The following ADGRB3 variants were observed in gnomAD, a reference collection of about 807,000 sequenced individuals.
The protein encoded by ADGRB3 is adhesion G protein-coupled receptor B3, also known as brain-specific angiogenesis inhibitor 3.
Under a neutral mutation model 193.4 loss-of-function variants are expected in ADGRB3, and 37 were observed. The observed-to-expected ratio is 0.19, with a 90% CI of 0.15 to 0.25. ADGRB3 has a LOEUF of 0.25. Among genes scored for constraint, ADGRB3 ranks in the 10% least tolerant of loss-of-function variants. ADGRB3 has a pLI of 1.00. For synonymous variants in ADGRB3, 690 were observed against 644.2 expected (o/e 1.07, Z -1.08); for missense variants, 1,637 against 1,852.9 (o/e 0.88, Z 2.14).
intron 17 of ADGRB3, among the ~76,000 whole-genome samples, chr6:69,134,743 A>T (rs1774104646): frequency 6.6e-6 from 1 of 151,952 alleles, no homozygotes; most frequent in Non-Finnish European, 1.5e-5. Flanking sequence ...ATACATGTAT[A>T]TATGTATGGT....
intron 17 of ADGRB3, among the ~76,000 whole-genome samples, chr6:69,195,400 C>T (rs1177932318): frequency 5.9e-5 from 9 of 151,580 alleles, no homozygotes; most frequent in Admixed American, 2.6e-4. Flanking sequence ...AATAAATTCA[C>T]TGTAGTCCCA....
intron 3 of ADGRB3, among the ~76,000 whole-genome samples, chr6:68,904,928 ATCTTTCT>A (rs1766500503): frequency 6.6e-6 from 1 of 152,176 alleles, no homozygotes; most frequent in South Asian, 2.1e-4. Context: ...AAAAATGAAA[ATCTTTCT>A]TCTTTCTTAA....
intron 20 of ADGRB3, among the ~76,000 whole-genome samples, chr6:69,272,196 G>C (rs1315295633): frequency 6.6e-6 from 1 of 152,154 alleles, no homozygotes; most frequent in Non-Finnish European, 1.5e-5. Context: ...ATCTGCATTT[G>C]GGATAGGTCC....
intron 16 of ADGRB3, among the ~76,000 whole-genome samples, chr6:69,064,178 C>G (rs553424344): frequency 6.6e-6 from 1 of 151,998 alleles, no homozygotes; most frequent in South Asian, 2.1e-4. Flanking sequence ...TTCTGTGAAT[C>G]ACTTTTTCTA....
intron 20 of ADGRB3, among the ~76,000 whole-genome samples, chr6:69,284,234 C>T (rs1263067286): frequency 6.6e-6 from 1 of 152,102 alleles, no homozygotes. Context: ...CCCTCATCCC[C>T]TTTTACCTTT....
rs546148496 is a variant in ADGRB3, at chr6:68,946,807, A to G, written c.1195+2813A>G. ...AGTCGTAAAGCTTCCTGCTTTTAAT[A>G]AACTGCATGAAACCACTCTAGCGAA... On this transcript the variant is annotated intron_variant, in intron 6 of 31. Coordinates refer to ENST00000370598, the MANE Select transcript of ADGRB3 (RefSeq NM_001704.3). Among the ~76,000 whole-genome samples the G allele has an allele frequency of 2.5e-4, 38 of 152,260 alleles. No individual in the cohort carries two copies. In the South Asian group the frequency reaches 7.3e-3, roughly 29 times the overall value.
chr6:69,175,516 G>A (rs2150349382), intron 17 of ADGRB3, among the ~76,000 whole-genome samples: 1 of 152,258 alleles, frequency 6.6e-6, no homozygotes, highest in East Asian at 1.9e-4. Context: ...TTTTGTACAA[G>A]TGCCATGCTG....
At chr6:68,811,088 A>G (rs950190765) in intron 3 of ADGRB3, among the ~76,000 whole-genome samples, 1 of 152,174 alleles carries the variant, frequency 6.6e-6, no homozygotes, top group Non-Finnish European at 1.5e-5. Flanking sequence ...ATATATATAT[A>G]TAGTCTTCCA....
intron 17 of ADGRB3, among the ~76,000 whole-genome samples, chr6:69,200,584 G>C (rs1257839846): frequency 6.6e-6 from 1 of 152,112 alleles, no homozygotes; most frequent in Non-Finnish European, 1.5e-5. Flanking sequence ...TAAAGGTTCT[G>C]ACCAAAGATA....
chr6:68,744,656 A>G (rs1397398830), intron 3 of ADGRB3, among the ~76,000 whole-genome samples: 4 of 152,128 alleles, frequency 2.6e-5, no homozygotes, highest in South Asian at 2.1e-4. Context: ...CAAACACCAC[A>G]TGTTCTCACT....
intron 3 of ADGRB3, among the ~76,000 whole-genome samples, chr6:68,879,203 CT>C (rs1468309295): frequency 2.9e-5 from 4 of 137,778 alleles, no homozygotes; most frequent in Admixed American, 2.2e-4. Context: ...TTCTGCTTTA[CT>C]TTTTGTCGCT....
chr6:69,208,100 T>C (rs1028050610), intron 17 of ADGRB3, among the ~76,000 whole-genome samples: 1 of 152,188 alleles, frequency 6.6e-6, no homozygotes, highest in Non-Finnish European at 1.5e-5. Flanking sequence ...GTGTTGACCA[T>C]GTTGCTGAGC....
chr6:68,874,413 A>G (rs980565109), intron 3 of ADGRB3, among the ~76,000 whole-genome samples: 3 of 152,170 alleles, frequency 2.0e-5, no homozygotes, highest in Admixed American at 6.5e-5. Flanking sequence ...TATGAATTAT[A>G]GACTCAAACA....
At chr6:69,102,776 C>T (rs314196) in intron 17 of ADGRB3, among the ~76,000 whole-genome samples, 152,334 of 152,334 alleles carry the variant, frequency 1, 76,167 homozygotes, top group Non-Finnish European at 1. Flanking sequence ...AGTCCAGATA[C>T]AACTGACCTC....
At chr6:68,977,574 T>C (rs191622771) in intron 10 of ADGRB3, among the ~76,000 whole-genome samples, 1 of 152,130 alleles carries the variant, frequency 6.6e-6, no homozygotes, top group Admixed American at 6.6e-5. Flanking sequence ...CTCAGTGAAA[T>C]AGAAGAAATG....
chr6:69,297,410 C>CTCTCTATATA (rs1554192101), intron 20 of ADGRB3, among the ~76,000 whole-genome samples: 45 of 128,286 alleles, frequency 3.5e-4, no homozygotes, highest in African/African-American at 1.4e-3. Flanking sequence ...CTCTCTCTCT[C>CTCTCTATATA]TATATATATA....
intron 3 of ADGRB3, among the ~76,000 whole-genome samples, chr6:68,886,465 C>T (rs1464968228): frequency 6.6e-6 from 1 of 152,084 alleles, no homozygotes; most frequent in Non-Finnish European, 1.5e-5. Context: ...TATGGACTGT[C>T]TCACATATAC....
At chr6:69,235,302 T>A (rs1766236004) in intron 19 of ADGRB3, among the ~76,000 whole-genome samples, 167 bp downstream of exon 19, 1 of 152,116 alleles carries the variant, frequency 6.6e-6, no homozygotes, top group East Asian at 1.9e-4. Flanking sequence ...TGAATTATGT[T>A]TACCTAATTT....
chr6:68,752,422 G>A (rs866496725), intron 3 of ADGRB3, among the ~76,000 whole-genome samples: 3 of 151,718 alleles, frequency 2.0e-5, no homozygotes, highest in African/African-American at 4.8e-5. Flanking sequence ...GATTACAGGC[G>A]TGCACCACCA....
Sources: gnomAD v4.1 joint callset for allele counts (sites outside exome capture counted in the v4.1 genomes callset) on GRCh38, gnomAD v4.1.1 for gene constraint, MANE v1.5 for transcripts, NCBI Gene and HGNC (gene_info 2026-07-23, HGNC 2026-07-21) for gene names.